Variants in SEPTIN12 observed in about 807,000 individuals in gnomAD.
SEPTIN12 encodes septin 12, also known as septin-12.
Under a neutral mutation model 37.7 loss-of-function variants are expected in SEPTIN12, and 42 were observed. The ratio of observed to expected loss-of-function variants is 1.11; its 90% CI spans 0.87 to 1.44. SEPTIN12 has a LOEUF of 1.44. SEPTIN12 is among the 40% of genes most tolerant of loss of function. The pLI is 0.00. For synonymous variants in SEPTIN12, 254 were observed against 196.7 expected, an observed-to-expected ratio of 1.29 and a Z score of -2.44; for missense variants, 613 against 479.2, an observed-to-expected ratio of 1.28 and a Z score of -2.61.
At chr16:4,778,714 C>T (rs944498256) in intron 8 of SEPTIN12, among the ~76,000 whole-genome samples, 5 of 152,146 alleles carry the variant, frequency 3.3e-5, no homozygotes, top group South Asian at 2.1e-4. Context: ...GCAGGAGAAT[C>T]GCTTGAACCT....
upstream of SEPTIN12, among the ~76,000 whole-genome samples, chr16:4,789,227 G>C (rs893378633): frequency 2.0e-5 from 3 of 152,188 alleles, no homozygotes; most frequent in Admixed American, 2.0e-4. Context: ...GGTCAGGCTA[G>C]TCACAAGCTT....
chr16:4,783,147 G>A (rs1435992705), intron 7 of SEPTIN12, among the ~76,000 whole-genome samples: 1 of 152,076 alleles, frequency 6.6e-6, no homozygotes, highest in South Asian at 2.1e-4. Context: ...GACCTCAAGC[G>A]ATCTGCCTGC....
intron 8 of SEPTIN12, among the ~76,000 whole-genome samples, chr16:4,779,357 G>A (rs569837840): frequency 6.6e-6 from 1 of 152,228 alleles, no homozygotes; most frequent in South Asian, 2.1e-4. Flanking sequence ...TGCACATAGC[G>A]GTGCCTGATA....
chr16:4,780,656 C>T (rs1006156734), intron 7 of SEPTIN12, among the ~76,000 whole-genome samples: 17 of 152,170 alleles, frequency 1.1e-4, no homozygotes, highest in Admixed American at 1.3e-4. Flanking sequence ...GTTTTTACTT[C>T]TGAATTCATC....
chr16:4,781,852 C>A (rs938483032), intron 7 of SEPTIN12, among the ~76,000 whole-genome samples: 54 of 150,396 alleles, frequency 3.6e-4, no homozygotes, highest in African/African-American at 1.3e-3. Context: ...CCATGTCGGT[C>A]AGGCTGGTCT....
Position 4,786,104 on chromosome 16 carries a change from C to A in SEPTIN12, c.168G>T (p.Gly56=). The change falls in exon 3 of 10, where the codon GGG becomes GGT. Residue 56 remains glycine, a splice_region_variant and synonymous_variant. Transcript: ENST00000268231. ...MGFEFNIMVV[G]QSGLGKSTMV... ...TCGTGGACTTGCCCAGCCCGCTTTG[C>A]CCTGGGAGTGGCAACCGGATGACAG... is the stretch of plus-strand genomic sequence containing the variant. 1 of 1,599,366 alleles carries A rather than the reference C, an allele frequency of 6.3e-7. No homozygotes were observed. The highest frequency in any genetic ancestry group is 8.5e-7 in the Non-Finnish European group (1 of 1,170,952).
Position 4,777,736 on chromosome 16 carries a change from G to T in SEPTIN12, c.*61C>A. ...CATTTAATAGATGCTCTGGTACATA[G>T]GTGTGTGTTGAGAGCCGCTGGGGAC... is the stretch of plus-strand genomic sequence containing the variant. On this transcript the variant is annotated 3_prime_UTR_variant, in exon 10 of 10. Coordinates refer to ENST00000268231, the MANE Select transcript of SEPTIN12 (RefSeq NM_144605.5). 8.7e-7 allele frequency: 1 copy of T among 1,151,744 alleles called. No homozygotes were observed. Among genetic ancestry groups the T allele is most frequent in the Non-Finnish European group, 1.2e-6 (1 of 823,784 alleles). 71.3% of individuals were successfully genotyped at this position (1,151,744 alleles called of 1,614,324 possible). A position where few individuals can be genotyped will look rare whatever the true frequency, so the allele number is the denominator to read the frequency against.
Position 4,783,738 on chromosome 16 carries a change from G to T in SEPTIN12, c.541C>A (p.Gln181Lys). 1 of 1,613,976 alleles carries T rather than the reference G, an allele frequency of 6.2e-7. No homozygotes were observed. The highest frequency in any genetic ancestry group is 8.5e-7 in the Non-Finnish European group (1 of 1,179,974). The change falls in exon 6 of 10, where the codon CAG (glutamine) becomes AAG (lysine). Residue 181 changes from glutamine to lysine, a missense_variant. Coordinates refer to ENST00000268231, the MANE Select transcript of SEPTIN12 (RefSeq NM_144605.5). ...CLRPLDIEFL[Q>K]RLCRTVNVVP... is the part of the protein sequence containing the mutation. ...ACATTCACAGTCCGGCACAGCCGCT[G>T]CAGGAACTCAATGTCCAGGGGCCGC...
rs1596256779 is a variant in SEPTIN12 at position 4,785,652 on chromosome 16, C to T, written c.374+155G>A. The T allele has an allele frequency of 1.3e-5, 8 of 616,860 alleles. No homozygotes were observed. In the East Asian group the frequency reaches 2.2e-4, roughly 17 times the overall value. The allele number at this position is 616,860 out of a possible 1,614,324, so 38.2% of individuals were successfully genotyped here. On this transcript the variant is annotated intron_variant, in intron 4 of 9. Coordinates refer to ENST00000268231, the MANE Select transcript of SEPTIN12 (RefSeq NM_144605.5). Reference sequence around the variant, plus strand: ...ATTAGCTGGGCGTGGTGGCGGGCGCCTGTAATCCCAGCTACTTCGGGAGGC... The same window carrying T: ...ATTAGCTGGGCGTGGTGGCGGGCGCTTGTAATCCCAGCTACTTCGGGAGGC...
chr16:4,781,120 G>T (rs149380777), intron 7 of SEPTIN12, among the ~76,000 whole-genome samples: 1 of 151,928 alleles, frequency 6.6e-6, no homozygotes, highest in Non-Finnish European at 1.5e-5. Flanking sequence ...TTAGCCAGGC[G>T]TGGTATTGTG....
chr16:4,783,614 C>T (rs6500634), intron 6 of SEPTIN12, 35 bp downstream of exon 6: 272,222 of 1,611,796 alleles, frequency 0.17, 24,630 homozygotes, highest in South Asian at 0.27. Context: ...CCTCTGCCCC[C>T]GCTGACCCCA....
chr16:4,789,159 C>T (rs75200618), upstream of SEPTIN12, among the ~76,000 whole-genome samples: 14 of 152,198 alleles, frequency 9.2e-5, no homozygotes, highest in East Asian at 2.1e-3. Flanking sequence ...GCTGGATTAC[C>T]GGTGTGCACC....
intron 7 of SEPTIN12, among the ~76,000 whole-genome samples, chr16:4,780,980 G>GCTGGGCA (rs995159518): frequency 3.3e-5 from 5 of 151,816 alleles, no homozygotes; most frequent in Non-Finnish European, 7.4e-5. Flanking sequence ...CCCTGTCTCT[G>GCTGGGCA]CTGGGCACGG....
chr16:4,779,109 G>T (rs146303544), intron 8 of SEPTIN12, among the ~76,000 whole-genome samples: 256 of 151,602 alleles, frequency 1.7e-3, no homozygotes, highest in African/African-American at 4.9e-3. Flanking sequence ...CCGCACTCCA[G>T]CTCGGGTGAC....
chr16:4,784,174 T>G, intron 4 of SEPTIN12, 106 bp from the exon 5 acceptor site: 1 of 1,380,178 alleles, frequency 7.2e-7, no homozygotes, highest in Non-Finnish European at 1.0e-6. Context: ...CGACGAATCG[T>G]CCCGGTTGGC....
intron 7 of SEPTIN12, among the ~76,000 whole-genome samples, 163 bp from the exon 8 acceptor site, chr16:4,779,949 T>G (rs982057269): frequency 3.3e-5 from 5 of 152,096 alleles, no homozygotes; most frequent in Non-Finnish European, 7.4e-5. Context: ...AAAGTCTAAT[T>G]GGTGCCTCTG....
rs2082331763 is a variant in SEPTIN12, at chr16:4,777,977, C to T, written c.897G>A (p.Lys299=). 6.2e-7 allele frequency: 1 copy of T among 1,611,788 alleles called. No homozygotes were observed. Residue 299 remains lysine, a synonymous_variant, in exon 10 of 10, where the codon AAG becomes AAA. Coordinates refer to ENST00000268231, the MANE Select transcript of SEPTIN12 (RefSeq NM_144605.5). ...CATAGTGGATGTTGTGGGTTATGTC[C>T]TTCAGGTCTTGGAGGTGGGAGCTGG... ...LLIRSHLQDL[K]DITHNIHYEN...
chr16:4,783,384 A>G (rs930045042), intron 7 of SEPTIN12, 78 bp downstream of exon 7: 1 of 1,069,170 alleles, frequency 9.4e-7, no homozygotes, highest in Admixed American at 1.7e-5. Context: ...TGAGATGTAG[A>G]GAAAGATGAG....
Position 4,778,077 on chromosome 16 carries a change from C to A in SEPTIN12, c.875+9G>T. The A allele has an allele frequency of 6.2e-7, 1 of 1,614,112 alleles. No homozygotes were observed. The highest frequency in any genetic ancestry group is 1.1e-5 in the South Asian group (1 of 91,074). On this transcript the variant is annotated intron_variant, in intron 9 of 9. Coordinates refer to ENST00000268231, the MANE Select transcript of SEPTIN12 (RefSeq NM_144605.5). ...CAGCCCCCTAGCCCCAGGCTCCCCA[C>A]ACCCTCACCGGATAAGCAGGTCTCT...
Sources: gnomAD v4.1 joint callset for allele counts (sites outside exome capture counted in the v4.1 genomes callset) on GRCh38, gnomAD v4.1.1 for gene constraint, MANE v1.5 for transcripts, NCBI Gene and HGNC (gene_info 2026-07-23, HGNC 2026-07-21) for gene names.